The following PTPRD variants were observed in gnomAD, a reference collection of about 807,000 sequenced individuals.
The protein encoded by PTPRD is receptor-type tyrosine-protein phosphatase delta.
Under a neutral mutation model 214.5 loss-of-function variants are expected in PTPRD, and 34 were observed. The ratio of observed to expected loss-of-function variants is 0.16; its 90% CI spans 0.12 to 0.21. The LOEUF is 0.21. Among genes scored for constraint, PTPRD ranks in the 10% least tolerant of loss-of-function variants. The pLI, the probability that PTPRD is intolerant of heterozygous loss-of-function variation, is 1.00. For synonymous variants in PTPRD, 1,128 were observed against 845.7 expected (o/e 1.33, Z -5.79); for missense variants, 2,545 against 2,398.7 (o/e 1.06, Z -1.27).
chr9:9,282,492 G>C (rs1948065032), intron 9 of PTPRD, among the ~76,000 whole-genome samples: 1 of 151,390 alleles, frequency 6.6e-6, no homozygotes, highest in African/African-American at 2.4e-5. Flanking sequence ...GAAAAATTCA[G>C]ATGGTTTTAG....
At chr9:9,341,292 G>T (rs2046698265) in intron 9 of PTPRD, among the ~76,000 whole-genome samples, 1 of 152,048 alleles carries the variant, frequency 6.6e-6, no homozygotes. Context: ...GCCCTGAGAT[G>T]AATGTTACTT....
chr9:8,618,894 G>GTA (rs1310194263), intron 14 of PTPRD, among the ~76,000 whole-genome samples: 1 of 133,806 alleles, frequency 7.5e-6, no homozygotes, highest in African/African-American at 2.9e-5. Context: ...GTGTGTGTGT[G>GTA]TGTTTGTCTG....
At chr9:8,437,280 A>T in intron 34 of PTPRD, 1 of 1,390,870 alleles carries the variant, frequency 7.2e-7, no homozygotes, top group Non-Finnish European at 9.6e-7. Context: ...AAAATAGAAC[A>T]AATTCTTCAA....
At chr9:10,268,713 C>G (rs2475352) in intron 3 of PTPRD, among the ~76,000 whole-genome samples, 29,667 of 152,116 alleles carry the variant, frequency 0.2, 3,051 homozygotes, top group African/African-American at 0.26. Context: ...ACTATATCCT[C>G]TCATCCCAGA....
chr9:10,280,558 C>T (rs1596042814), intron 3 of PTPRD, among the ~76,000 whole-genome samples: 1 of 152,156 alleles, frequency 6.6e-6, no homozygotes, highest in African/African-American at 2.4e-5. Flanking sequence ...TGTTACTGGG[C>T]TCCACTCCCA....
At chr9:10,258,438 T>C (rs2093447129) in intron 3 of PTPRD, among the ~76,000 whole-genome samples, 1 of 152,222 alleles carries the variant, frequency 6.6e-6, no homozygotes, top group African/African-American at 2.4e-5. Flanking sequence ...TATCTTGCCA[T>C]AATATCTCGG....
At position 9,164,144 on chromosome 9, in the gene PTPRD, C is replaced by T. The variant is rs984952892; in HGVS notation, c.-143+19160G>A. ...CTTAAAACAGCACAAATTTATTATA[C>T]TTCTGGAGCTCAAAAGTCTAAAATA... On this transcript the variant is annotated intron_variant, in intron 10 of 45. Transcript: ENST00000381196. 3.3e-5 allele frequency among the ~76,000 whole-genome samples: 5 copies of T among 152,056 alleles called. No individual in the cohort carries two copies. In the South Asian group the frequency reaches 6.2e-4, roughly 19 times the overall value.
intron 9 of PTPRD, among the ~76,000 whole-genome samples, chr9:9,216,955 G>A (rs2099952671): frequency 1.3e-5 from 2 of 151,262 alleles, no homozygotes; most frequent in African/African-American, 2.4e-5. Flanking sequence ...TTCCCACATT[G>A]GGCTTCAGAG....
intron 11 of PTPRD, among the ~76,000 whole-genome samples, chr9:8,799,594 G>T (rs2096530395): frequency 6.6e-6 from 1 of 152,178 alleles, no homozygotes; most frequent in Non-Finnish European, 1.5e-5. Context: ...TTTCTTTCCA[G>T]AAATCTAGCT....
intron 10 of PTPRD, among the ~76,000 whole-genome samples, chr9:9,050,921 G>T (rs1431773833): frequency 6.6e-6 from 1 of 152,166 alleles, no homozygotes; most frequent in Non-Finnish European, 1.5e-5. Flanking sequence ...ACTATCCACA[G>T]TGTCAGGCAT....
At chr9:9,796,929 C>G (rs1598109197) in intron 5 of PTPRD, among the ~76,000 whole-genome samples, 1 of 152,230 alleles carries the variant, frequency 6.6e-6, no homozygotes, top group East Asian at 1.9e-4. Context: ...AGGCCATAAA[C>G]TTATTCATCA....
chr9:8,367,030 A>G (rs1235230999), intron 39 of PTPRD, among the ~76,000 whole-genome samples: 3 of 152,108 alleles, frequency 2.0e-5, no homozygotes, highest in African/African-American at 4.8e-5. Context: ...GGATTTATTT[A>G]TTTATTTTTC....
intron 3 of PTPRD, among the ~76,000 whole-genome samples, chr9:10,254,484 C>T (rs1180135309): frequency 1.3e-5 from 2 of 151,962 alleles, no homozygotes; most frequent in African/African-American, 2.4e-5. Context: ...ATGGCCATCT[C>T]GGTGTGCATG....
intron 3 of PTPRD, among the ~76,000 whole-genome samples, chr9:10,298,847 A>C (rs534785075): frequency 6.6e-6 from 1 of 152,202 alleles, no homozygotes; most frequent in African/African-American, 2.4e-5. Context: ...TGTATATTTA[A>C]GCACTGAAAA....
chr9:10,579,319 T>C (rs1459093451), intron 2 of PTPRD, among the ~76,000 whole-genome samples: 1 of 152,092 alleles, frequency 6.6e-6, no homozygotes, highest in Non-Finnish European at 1.5e-5. Context: ...CATCTTTATG[T>C]CCAGGTATAC....
chr9:8,654,438 T>C (rs568246747), intron 12 of PTPRD, among the ~76,000 whole-genome samples: 2 of 152,100 alleles, frequency 1.3e-5, no homozygotes, highest in African/African-American at 2.4e-5. Context: ...GTTTATGGAG[T>C]AAACGACGAG....
chr9:9,957,675 G>C (rs972610999), intron 4 of PTPRD, among the ~76,000 whole-genome samples: 1 of 151,944 alleles, frequency 6.6e-6, no homozygotes, highest in Non-Finnish European at 1.5e-5. Context: ...CAATATTAGT[G>C]ATACTGACAA....
At chr9:10,302,113 T>C (rs1357666607) in intron 3 of PTPRD, among the ~76,000 whole-genome samples, 4 of 152,144 alleles carry the variant, frequency 2.6e-5, no homozygotes, top group African/African-American at 9.7e-5. Context: ...TGGGGGCCAA[T>C]ATTCAACATT....
intron 14 of PTPRD, among the ~76,000 whole-genome samples, chr9:8,583,539 G>A (rs2093371121): frequency 6.6e-6 from 1 of 152,154 alleles, no homozygotes. Context: ...AAAAAATCAT[G>A]TTGAAGAATG....
Sources: gnomAD v4.1 joint callset for allele counts (sites outside exome capture counted in the v4.1 genomes callset) on GRCh38, gnomAD v4.1.1 for gene constraint, MANE v1.5 for transcripts, NCBI Gene and HGNC (gene_info 2026-07-23, HGNC 2026-07-21) for gene names.